The following GADL1 variants were observed in gnomAD, a reference collection of about 807,000 sequenced individuals.
GADL1 encodes acidic amino acid decarboxylase GADL1.
GADL1 carries 71 observed loss-of-function variants against 69.5 expected under a neutral mutation model. The observed-to-expected ratio is 1.02, with a 90% CI of 0.84 to 1.25. The LOEUF is 1.25. GADL1 is among the 50% of genes most tolerant of loss of function. The pLI is 0.00. For synonymous variants in GADL1, 254 were observed against 214.4 expected, an observed-to-expected ratio of 1.18 and a Z score of -1.62; for missense variants, 737 against 631.8, an observed-to-expected ratio of 1.17 and a Z score of -1.79.
chr3:30,861,886 A>G (rs895915000), intron 1 of GADL1, 121 bp from the exon 2 acceptor site: 8 of 635,880 alleles, frequency 1.3e-5, no homozygotes, highest in Non-Finnish European at 1.1e-5. Context: ...ACATGAAGGC[A>G]TCATTTGAGG....
chr3:30,851,939 T>TAC (rs1245422090), intron 4 of GADL1, among the ~76,000 whole-genome samples: 1 of 132,206 alleles, frequency 7.6e-6, no homozygotes, highest in African/African-American at 3.2e-5. Flanking sequence ...TTGTTTGATA[T>TAC]TTATTTTCTC....
At chr3:30,798,464 T>C (rs979964265) in intron 12 of GADL1, 9 of 152,110 alleles carry the variant, frequency 5.9e-5, no homozygotes, top group African/African-American at 1.7e-4. Flanking sequence ...TGCACTACCA[T>C]GACAGCAGTA....
chr3:30,728,093 T>C lies in GADL1; in HGVS notation c.*149A>G. 1 of 641,808 alleles carries C rather than the reference T, an allele frequency of 1.6e-6. No individual in the cohort carries two copies. Among genetic ancestry groups the C allele is most frequent in the Non-Finnish European group, 2.8e-6 (1 of 363,244 alleles). 39.8% of individuals were successfully genotyped at this position (641,808 alleles called of 1,614,324 possible). ...CAGCTAGAGAGTCCTTAATATTCAT[T>C]GCTTAGCATTTTGGTTTTGCTGGGC... On this transcript the variant is annotated 3_prime_UTR_variant, in exon 15 of 15. Coordinates refer to ENST00000282538, the MANE Select transcript of GADL1 (RefSeq NM_207359.3).
intron 14 of GADL1, among the ~76,000 whole-genome samples, chr3:30,730,046 T>C (rs567297709): frequency 6.6e-6 from 1 of 152,302 alleles, no homozygotes; most frequent in Admixed American, 6.5e-5. Context: ...TCTAAATATA[T>C]GTGACACATT....
At chr3:30,825,870 C>T (rs922870457) in intron 11 of GADL1, among the ~76,000 whole-genome samples, 1 of 151,834 alleles carries the variant, frequency 6.6e-6, no homozygotes, top group Non-Finnish European at 1.5e-5. Flanking sequence ...AGCAAAGCAC[C>T]ACAGCACATG....
At chr3:30,742,102 G>C (rs985648190) in intron 14 of GADL1, among the ~76,000 whole-genome samples, 1 of 152,084 alleles carries the variant, frequency 6.6e-6, no homozygotes, top group Non-Finnish European at 1.5e-5. Context: ...ATTTTGGCCC[G>C]GACAGTAAAT....
At chr3:30,878,800 A>C (rs1698608630) in intron 1 of GADL1, among the ~76,000 whole-genome samples, 1 of 151,908 alleles carries the variant, frequency 6.6e-6, no homozygotes, top group African/African-American at 2.4e-5. Context: ...TATCCTTATT[A>C]TGTTCTTTAA....
intron 12 of GADL1, among the ~76,000 whole-genome samples, chr3:30,789,273 C>T (rs76715356): frequency 7.9e-5 from 12 of 152,288 alleles, no homozygotes; most frequent in Non-Finnish European, 1.2e-4. Flanking sequence ...TTACTAGGTG[C>T]GTTGTCAATG....
chr3:30,845,459 G>C (rs979251774), intron 6 of GADL1, among the ~76,000 whole-genome samples: 2 of 152,160 alleles, frequency 1.3e-5, no homozygotes, highest in Non-Finnish European at 2.9e-5. Flanking sequence ...TAAAAGAGTA[G>C]TCATGCCTTC....
intron 1 of GADL1, among the ~76,000 whole-genome samples, chr3:30,869,690 G>A (rs532818141): frequency 3.3e-5 from 5 of 151,348 alleles, no homozygotes; most frequent in Non-Finnish European, 5.9e-5. Context: ...GTCTCATCTT[G>A]GGGTCAAATT....
At chr3:30,882,768 A>G (rs1391559312) in intron 1 of GADL1, among the ~76,000 whole-genome samples, 1 of 151,942 alleles carries the variant, frequency 6.6e-6, no homozygotes, top group Non-Finnish European at 1.5e-5. Flanking sequence ...ACACCATTGT[A>G]CAATGTCTCT....
chr3:30,756,963 G>GGA (rs374076682), intron 14 of GADL1, among the ~76,000 whole-genome samples: 1 of 152,176 alleles, frequency 6.6e-6, no homozygotes, highest in African/African-American at 2.4e-5. Flanking sequence ...ACATGTCAAA[G>GGA]GAGAGGGGTA....
chr3:30,753,983 C>T (rs187274463), intron 14 of GADL1, among the ~76,000 whole-genome samples: 5 of 152,138 alleles, frequency 3.3e-5, no homozygotes, highest in African/African-American at 1.2e-4. Context: ...TGGCCACCTA[C>T]GGATTTTCCC....
intron 5 of GADL1, 51 bp downstream of exon 5, chr3:30,850,784 T>A: frequency 9.1e-7 from 1 of 1,098,304 alleles, no homozygotes; most frequent in Non-Finnish European, 1.4e-6. Context: ...CATGGATAAA[T>A]TTTTACGTGG....
chr3:30,858,415 G>A (rs1444537988), intron 2 of GADL1, among the ~76,000 whole-genome samples: 1 of 151,966 alleles, frequency 6.6e-6, no homozygotes, highest in African/African-American at 2.4e-5. Context: ...TGAAATAAGA[G>A]GTTGCTGTAA....
chr3:30,851,929 T>G (rs1270718633), intron 4 of GADL1, among the ~76,000 whole-genome samples: 1 of 99,484 alleles, frequency 1.0e-5, no homozygotes, highest in Non-Finnish European at 1.7e-5. Context: ...TCACCATGCC[T>G]TGTTTGATAT....
At chr3:30,831,253 C>A (rs890796424) in intron 11 of GADL1, among the ~76,000 whole-genome samples, 4 of 151,934 alleles carry the variant, frequency 2.6e-5, no homozygotes, top group Non-Finnish European at 4.4e-5. Flanking sequence ...CATATTATGT[C>A]AATCTTCACA....
chr3:30,868,865 T>C (rs1698442306), intron 1 of GADL1, among the ~76,000 whole-genome samples: 1 of 151,860 alleles, frequency 6.6e-6, no homozygotes, highest in South Asian at 2.1e-4. Context: ...GAATCAAAAG[T>C]GAATCCAGAC....
chr3:30,800,939 C>T lies in GADL1; in HGVS notation c.1200G>A (p.Leu400=). 6.2e-7 allele frequency: 1 copy of T among 1,613,584 alleles called. No homozygotes were observed. The highest frequency in any genetic ancestry group is 8.5e-7 in the Non-Finnish European group (1 of 1,179,916). ...AFKFWMTWKA[L]GTLGLEERVN... is the part of the protein sequence containing the mutation. ...CTCTTTCTTCAAGGCCTAATGTACCCAGGGCCTTCCAGGTCATCCAGAACT... is the reference window on the plus strand; with the variant it reads ...CTCTTTCTTCAAGGCCTAATGTACCTAGGGCCTTCCAGGTCATCCAGAACT... Residue 400 remains leucine (L), a synonymous_variant, in exon 12 of 15, where the codon CTG becomes CTA. Coordinates refer to ENST00000282538, the MANE Select transcript of GADL1 (RefSeq NM_207359.3).
Sources: allele counts gnomAD v4.1 joint callset (sites outside exome capture counted in the v4.1 genomes callset), GRCh38; gene constraint gnomAD v4.1.1; transcripts MANE v1.5; gene names NCBI Gene and HGNC (gene_info 2026-07-23, HGNC 2026-07-21).